The following TMEM59L variants were observed in gnomAD, a reference collection of about 807,000 sequenced individuals.
TMEM59L encodes the protein transmembrane protein 59 like.
A neutral mutation model predicts 39.6 loss-of-function variants in TMEM59L; 31 were observed. That is an observed-to-expected ratio of 0.78 (90% CI 0.59 to 1.06). The LOEUF (loss-of-function observed/expected upper bound fraction) is 1.06. Among genes scored for constraint, TMEM59L ranks in the 50% least tolerant of loss-of-function variants. TMEM59L has a pLI of 0.00. For synonymous variants in TMEM59L, 219 were observed against 202.9 expected (o/e 1.08, Z -0.68); for missense variants, 441 against 451.3 (o/e 0.98, Z 0.21).
chr19:18,618,290 G>A lies in TMEM59L; in HGVS notation c.782+18G>A, dbSNP rs761889402. On this transcript the variant is annotated intron_variant, in intron 6 of 7. Coordinates refer to ENST00000262817, the MANE Select transcript of TMEM59L (RefSeq NM_012109.3). ...ATGTCCCGGTGGGTGGCAGGACCTT[G>A]GGGGTGGGAGGGGGGTGGGACTGGA... 9.0e-7 allele frequency: 1 copy of A among 1,114,236 alleles called. No homozygotes were observed. Among genetic ancestry groups the A allele is most frequent in the Non-Finnish European group, 1.3e-6 (1 of 754,582 alleles). The allele number at this position is 1,114,236 out of a possible 1,614,324, so 69.0% of individuals were successfully genotyped here.
At chr19:18,615,681 C>T (rs1020742027) in intron 3 of TMEM59L, among the ~76,000 whole-genome samples, 1 of 152,226 alleles carries the variant, frequency 6.6e-6, no homozygotes, top group African/African-American at 2.4e-5. Flanking sequence ...GATCTTGGCT[C>T]ACTGCAACCT....
At chr19:18,616,927 T>C in intron 4 of TMEM59L, 73 bp from the exon 5 acceptor site, 1 of 1,182,316 alleles carries the variant, frequency 8.5e-7, no homozygotes, top group South Asian at 1.4e-5. Context: ...GACATGGCAG[T>C]CACAGAGGGC....
rs1976402767 is a variant in TMEM59L at position 18,614,129 on chromosome 19, G to A, written c.342G>A (p.Glu114=). The A allele has an allele frequency of 2.5e-6, 4 of 1,611,364 alleles. No homozygotes were observed. Among genetic ancestry groups the A allele is most frequent in the Non-Finnish European group, 2.5e-6 (3 of 1,179,458 alleles). The part of the protein sequence containing the change: ...EAACVEAYVK[E]AEQQACSHGC... ...CCTGCGTGGAAGCCTATGTGAAGGA[G>A]GCAGAGCAGCAGGCCTGTAGCCACG... Residue 114 remains glutamate, a synonymous_variant, in exon 3 of 8, where the codon GAG becomes GAA. Transcript: ENST00000262817.
intron 7 of TMEM59L, 47 bp from the exon 8 acceptor site, chr19:18,620,361 G>A (rs753479774): frequency 4.5e-6 from 7 of 1,550,162 alleles, no homozygotes; most frequent in East Asian, 4.6e-5. Context: ...TTGGGGGCTC[G>A]GCCTCTCCCC....
intron 4 of TMEM59L, among the ~76,000 whole-genome samples, chr19:18,616,589 C>T (rs991862274): frequency 2.6e-5 from 4 of 152,104 alleles, no homozygotes; most frequent in South Asian, 2.1e-4. Flanking sequence ...GACGGGGTTT[C>T]GCCATGTTGG....
At chr19:18,617,189 G>T in intron 5 of TMEM59L, 87 bp downstream of exon 5, 1 of 983,364 alleles carries the variant, frequency 1.0e-6, no homozygotes, top group Non-Finnish European at 1.6e-6. Flanking sequence ...TTCTAGGATC[G>T]GGATCTCCAT....
intron 3 of TMEM59L, 97 bp from the exon 4 acceptor site, chr19:18,615,878 G>T: frequency 6.8e-7 from 1 of 1,472,548 alleles, no homozygotes; most frequent in Non-Finnish European, 9.2e-7. Context: ...AAAGTGTTGG[G>T]ATTACAGGCG....
chr19:18,620,524 G>C lies in TMEM59L; in HGVS notation c.1017G>C (p.Leu339=). The change falls in exon 8 of 8, where the codon CTG becomes CTC. Residue 339 remains leucine (L), a synonymous_variant. Coordinates refer to ENST00000262817, the MANE Select transcript of TMEM59L (RefSeq NM_012109.3). ...SLPPYKLKLD[L]TKL ...CACCCTACAAGCTGAAGCTGGACCT[G>C]ACCAAGCTGTAGGCCTCCACTGGCC... The C allele has an allele frequency of 6.2e-7, 1 of 1,613,660 alleles. No individual in the cohort carries two copies. Among genetic ancestry groups the C allele is most frequent in the East Asian group, 2.2e-5 (1 of 44,866 alleles).
chr19:18,619,818 G>GA (rs547141995), intron 7 of TMEM59L, among the ~76,000 whole-genome samples: 11 of 142,128 alleles, frequency 7.7e-5, no homozygotes, highest in East Asian at 4.1e-4. Flanking sequence ...AAAAAAAAAA[G>GA]AAAAAAAAAA....
At position 18,617,643 on chromosome 19, in the gene TMEM59L, G is replaced by A. The variant is rs1314187969; in HGVS notation, c.665-512G>A. 8.8e-6 allele frequency: 4 copies of A among 455,686 alleles called. No homozygotes were observed. In the East Asian group the frequency reaches 2.8e-4, roughly 32 times the overall value. The allele number at this position is 455,686 out of a possible 1,614,324, so 28.2% of individuals were successfully genotyped here. ...TTTGGTCCATCTCTCAGGGTTCCAT[G>A]GTTCATCTCTTAGGATTCTGCAGTT... On this transcript the variant is annotated intron_variant, in intron 5 of 7. Transcript: ENST00000262817.
chr19:18,616,876 AC>A, intron 4 of TMEM59L, 123 bp from the exon 5 acceptor site: 1 of 723,448 alleles, frequency 1.4e-6, no homozygotes, highest in East Asian at 2.5e-5. Context: ...CATCAAGCCC[AC>A]CCCTGATACC....
chr19:18,613,914 G>A lies in TMEM59L; in HGVS notation c.214G>A (p.Val72Ile), dbSNP rs756120614. The A allele has an allele frequency of 3.1e-6, 5 of 1,612,284 alleles. No individual in the cohort carries two copies. Among genetic ancestry groups the A allele is most frequent in the Middle Eastern group, 1.6e-4 (1 of 6,062 alleles). ...GASESPYDRA[V>I]LISACERGCR... ...CTCCGAGTCTCCCTATGACAGAGCC[G>A]TTCTGATCAGCGCTTGCGAGCGTGG... Residue 72 changes from valine (V) to isoleucine (I), a missense_variant, in exon 2 of 8, where the codon GTT (valine) becomes ATT (isoleucine). Coordinates refer to ENST00000262817, the MANE Select transcript of TMEM59L (RefSeq NM_012109.3).
chr19:18,615,620 T>C (rs1976419080), intron 3 of TMEM59L, among the ~76,000 whole-genome samples: 1 of 152,284 alleles, frequency 6.6e-6, no homozygotes, highest in Admixed American at 6.5e-5. Flanking sequence ...ATTCATTTAT[T>C]TATTTGAGAT....
chr19:18,613,132 G>A lies in TMEM59L; in HGVS notation c.171+3G>A. The stretch of plus-strand genomic sequence containing the variant: ...ACCTCGGCCCGCAGCCCTCGCAGGT[G>A]AGGCGCGTGCGGTGCCAGGTGCCAG... On this transcript the variant is annotated splice_donor_region_variant and intron_variant, in intron 1 of 7. Coordinates refer to ENST00000262817, the MANE Select transcript of TMEM59L (RefSeq NM_012109.3). The A allele has an allele frequency of 7.8e-7, 1 of 1,280,250 alleles. No homozygotes were observed. The highest frequency in any genetic ancestry group is 9.8e-7 in the Non-Finnish European group (1 of 1,016,632). 79.3% of individuals were successfully genotyped at this position (1,280,250 alleles called of 1,614,324 possible).
chr19:18,619,386 G>GA (rs1976469088), intron 7 of TMEM59L, among the ~76,000 whole-genome samples: 1 of 152,238 alleles, frequency 6.6e-6, no homozygotes, highest in Non-Finnish European at 1.5e-5. Flanking sequence ...CATGAAGTCA[G>GA]AGGTGGCCAC....
chr19:18,619,973 TCACACACACACACACACACACACA>T (rs57681167), intron 7 of TMEM59L, among the ~76,000 whole-genome samples: 2 of 116,808 alleles, frequency 1.7e-5, no homozygotes, highest in African/African-American at 6.8e-5. Context: ...GAAGACCCCA[TCACACACACACACACACACACACA>T]CACACACACA....
At chr19:18,617,700 G>C (rs1161391073) in intron 5 of TMEM59L, 1 of 446,066 alleles carries the variant, frequency 2.2e-6, no homozygotes, top group Non-Finnish European at 4.5e-6. Flanking sequence ...CCATCCCCCA[G>C]GGTTCTGCAG....
chr19:18,617,157 G>C (rs1281265982), intron 5 of TMEM59L, 55 bp downstream of exon 5: 18 of 1,389,292 alleles, frequency 1.3e-5, no homozygotes, highest in Non-Finnish European at 1.8e-5. Context: ...CTGCCACAAG[G>C]AGTCGGCCTG....
rs561880311 is a variant in TMEM59L, at chr19:18,616,699, G to A, written c.562-301G>A. ...TGAGCCACTGCCCCGGCTCCCTCTG[G>A]GGTTTTAACTGAGCTGGGATTTACT... On this transcript the variant is annotated intron_variant, in intron 4 of 7. Coordinates refer to ENST00000262817, the MANE Select transcript of TMEM59L (RefSeq NM_012109.3). 3.3e-5 allele frequency among the ~76,000 whole-genome samples: 5 copies of A among 152,254 alleles called. No individual in the cohort carries two copies. In the South Asian group the frequency reaches 8.3e-4, roughly 25 times the overall value.
Sources: allele counts gnomAD v4.1 joint callset (sites outside exome capture counted in the v4.1 genomes callset), GRCh38; gene constraint gnomAD v4.1.1; transcripts MANE v1.5; gene names NCBI Gene and HGNC (gene_info 2026-07-23, HGNC 2026-07-21).